The following MDN1 variants were observed in gnomAD, a reference collection of about 807,000 sequenced individuals.
MDN1 encodes the protein midasin AAA ATPase 1.
In MDN1, 266 loss-of-function variants were observed where a neutral mutation model predicts 669.2. That is an observed-to-expected ratio of 0.40 (90% CI 0.36 to 0.44). The LOEUF (loss-of-function observed/expected upper bound fraction) is 0.44, where lower values mean the gene tolerates loss of function less well. Ranked by LOEUF, MDN1 falls within the 20% of genes least tolerant of loss-of-function variation. The pLI is 1.00. For missense variants in MDN1, 5,940 were observed against 6,754.0 expected, an observed-to-expected ratio of 0.88 and a Z score of 4.22; for synonymous variants, 2,385 against 2,457.1, an observed-to-expected ratio of 0.97 and a Z score of 0.87.
intron 36 of MDN1, 152 bp downstream of exon 36, chr6:89,728,779 C>T (rs753228239): frequency 2.0e-5 from 16 of 818,166 alleles, no homozygotes; most frequent in South Asian, 9.2e-5. Flanking sequence ...GGCAACAGAA[C>T]GAGACTCTGT....
chr6:89,709,265 G>T (rs1402871203), intron 50 of MDN1, among the ~76,000 whole-genome samples: 2 of 152,110 alleles, frequency 1.3e-5, no homozygotes, highest in East Asian at 3.9e-4. Flanking sequence ...CGGTTCAGTG[G>T]AGCACTTTAA....
chr6:89,793,103 C>T (rs947665861), intron 5 of MDN1, among the ~76,000 whole-genome samples: 2 of 152,262 alleles, frequency 1.3e-5, no homozygotes, highest in South Asian at 2.1e-4. Context: ...CAAGTATGGT[C>T]TCAAGCCATT....
intron 22 of MDN1, among the ~76,000 whole-genome samples, chr6:89,752,242 G>C (rs1043312343): frequency 5.3e-5 from 8 of 152,140 alleles, no homozygotes; most frequent in African/African-American, 1.9e-4. Flanking sequence ...CAGTTGAGTT[G>C]AGAAGCAATA....
intron 2 of MDN1, among the ~76,000 whole-genome samples, chr6:89,801,942 A>G (rs1342039996): frequency 1.3e-5 from 2 of 152,060 alleles, no homozygotes; most frequent in Non-Finnish European, 2.9e-5. Flanking sequence ...AGCCTGGGCA[A>G]CAGAGTGAGA....
Position 89,700,686 on chromosome 6 carries a change from T to C in MDN1, c.8598A>G (p.Gly2866=), listed in dbSNP as rs751001778. The C allele has an allele frequency of 1.2e-6, 2 of 1,614,050 alleles. No homozygotes were observed. The highest frequency in any genetic ancestry group is 1.7e-6 in the Non-Finnish European group (2 of 1,180,028). The change falls in exon 56 of 102, where the codon GGA becomes GGG. Residue 2866 remains glycine (G), a synonymous_variant. Transcript: ENST00000369393. Reference sequence around the variant, plus strand: ...CCAAAATATTTGCTCTGAGGATCAGTCCCCAGGCTTGCAGGAGACTTTTCT... The same window carrying C: ...CCAAAATATTTGCTCTGAGGATCAGCCCCCAGGCTTGCAGGAGACTTTTCT... The part of the protein sequence containing the change: ...TLKKSLLQAW[G]LILRANILED...
chr6:89,756,166 C>T (rs905478244), intron 20 of MDN1, 111 bp downstream of exon 20: 3 of 523,154 alleles, frequency 5.7e-6, no homozygotes, highest in Non-Finnish European at 1.0e-5. Flanking sequence ...ATCCTGCCAT[C>T]AGTTTTCTCA....
chr6:89,761,082 C>T lies in MDN1; in HGVS notation c.2460+563G>A, dbSNP rs548256287. ...TCAGGAGGCTGAGGCAGGAGAATGGCGTGAACCCAGGAGGCAGAGCTTGCA... is the reference window on the plus strand; with the variant it reads ...TCAGGAGGCTGAGGCAGGAGAATGGTGTGAACCCAGGAGGCAGAGCTTGCA... On this transcript the variant is annotated intron_variant, in intron 17 of 101. Transcript: ENST00000369393. Among the ~76,000 whole-genome samples the T allele has an allele frequency of 7.9e-5, 12 of 152,212 alleles. 1 individual carries two copies. The South Asian group carries it at 1.7e-3, about 21-fold the overall frequency.
chr6:89,700,030 C>T (rs1813036989), intron 57 of MDN1, 33 bp downstream of exon 57: 4 of 1,593,040 alleles, frequency 2.5e-6, no homozygotes, highest in South Asian at 1.1e-5. Context: ...AAAAAAAGTT[C>T]CCGCAAGGAA....
intron 49 of MDN1, among the ~76,000 whole-genome samples, chr6:89,711,259 A>G (rs915857593): frequency 2.0e-5 from 3 of 152,206 alleles, no homozygotes; most frequent in African/African-American, 7.2e-5. Flanking sequence ...AACTACAAAG[A>G]AAGTACAGGT....
chr6:89,780,641 C>CTT (rs575664748), intron 10 of MDN1, among the ~76,000 whole-genome samples: 101 of 131,192 alleles, frequency 7.7e-4, no homozygotes, highest in South Asian at 1.6e-3. Flanking sequence ...ATGCCATTTC[C>CTT]TTTTTTTTTT....
chr6:89,712,740 T>C lies in MDN1; in HGVS notation c.7265A>G (p.His2422Arg), dbSNP rs115855018. ...LEKHVSSLRA[H>R]ETWGDSILGM... Reference sequence around the variant, plus strand: ...AAGAATGGAGTCTCCCCAGGTTTCATGTGCTCGCAAAGAAGAAACATGTTT... The same window carrying C: ...AAGAATGGAGTCTCCCCAGGTTTCACGTGCTCGCAAAGAAGAAACATGTTT... Residue 2422 changes from histidine to arginine, a missense_variant, in exon 48 of 102, where the codon CAT (histidine) becomes CGT (arginine). Transcript: ENST00000369393. The C allele has an allele frequency of 1.3e-4, 204 of 1,614,170 alleles. No homozygotes were observed. In the African/African-American group the frequency reaches 2.6e-3, roughly 21 times the overall value.
chr6:89,753,680 C>T (rs568757587), intron 21 of MDN1, 58 bp from the exon 22 acceptor site: 291 of 1,352,202 alleles, frequency 2.2e-4, no homozygotes, highest in Middle Eastern at 7.1e-4. Context: ...TACAACCAAA[C>T]TTATTTCCAG....
chr6:89,682,009 A>G (rs558070029), intron 73 of MDN1, among the ~76,000 whole-genome samples: 1 of 152,196 alleles, frequency 6.6e-6, no homozygotes. Flanking sequence ...ACCCAAGGAC[A>G]TGAAGCAGGA....
chr6:89,707,244 G>T, intron 52 of MDN1, 117 bp downstream of exon 52: 1 of 699,750 alleles, frequency 1.4e-6, no homozygotes, highest in Non-Finnish European at 2.5e-6. Context: ...TTAAAATCAG[G>T]CCAGCAGATT....
Position 89,803,323 on chromosome 6 carries a change from C to T in MDN1, c.329+5G>A, listed in dbSNP as rs1438624002. 1 of 1,611,628 alleles carries T rather than the reference C, an allele frequency of 6.2e-7. No individual in the cohort carries two copies. Among genetic ancestry groups the T allele is most frequent in the South Asian group, 1.1e-5 (1 of 91,036 alleles). Reference sequence around the variant, plus strand: ...AGAAATGCGAATAATAAAATTGCTACTCACGGGAGGACATCAGGATGGTTA... The same window carrying T: ...AGAAATGCGAATAATAAAATTGCTATTCACGGGAGGACATCAGGATGGTTA... On this transcript the variant is annotated splice_donor_5th_base_variant and intron_variant, in intron 2 of 101. Transcript: ENST00000369393.
chr6:89,778,932 A>AAATT (rs202203285), intron 11 of MDN1, among the ~76,000 whole-genome samples: 3 of 133,998 alleles, frequency 2.2e-5, no homozygotes, highest in South Asian at 2.3e-4. Context: ...ATAAATAAAT[A>AAATT]AAAAAAAAGG....
chr6:89,645,222 A>G (rs1186160507), intron 100 of MDN1, 65 bp from the exon 101 acceptor site: 1 of 1,519,422 alleles, frequency 6.6e-7, no homozygotes, highest in Non-Finnish European at 9.0e-7. Flanking sequence ...ACTCACAACT[A>G]CCCAAAGTAG....
intron 1 of MDN1, among the ~76,000 whole-genome samples, chr6:89,816,067 T>C (rs1768803056): frequency 6.6e-6 from 1 of 152,206 alleles, no homozygotes; most frequent in African/African-American, 2.4e-5. Context: ...CATTGCTTTC[T>C]TATAATAAAG....
chr6:89,715,067 C>T (rs189437716), intron 45 of MDN1, among the ~76,000 whole-genome samples: 2 of 152,350 alleles, frequency 1.3e-5, no homozygotes, highest in Non-Finnish European at 2.9e-5. Context: ...GAACAGGAAG[C>T]AAGTGTAGTC....
Sources: gnomAD v4.1 joint callset for allele counts (sites outside exome capture counted in the v4.1 genomes callset) on GRCh38, gnomAD v4.1.1 for gene constraint, MANE v1.5 for transcripts, NCBI Gene and HGNC (gene_info 2026-07-23, HGNC 2026-07-21) for gene names.